DIAPH1: variants seen among roughly 807,000 people sequenced by gnomAD.
DIAPH1 encodes the protein protein diaphanous homolog 1.
A neutral mutation model predicts 140.7 loss-of-function variants in DIAPH1; 46 were observed. That is an observed-to-expected ratio of 0.33 (90% confidence interval 0.26 to 0.42). The LOEUF (loss-of-function observed/expected upper bound fraction) is 0.42. DIAPH1 is among the 10% of genes least tolerant of loss of function. DIAPH1 has a pLI of 1.00. For synonymous variants in DIAPH1, 565 were observed against 551.6 expected, an observed-to-expected ratio of 1.02 and a Z score of -0.34; for missense variants, 1,310 against 1,558.7, an observed-to-expected ratio of 0.84 and a Z score of 2.69.
intron 11 of DIAPH1, 89 bp from the exon 12 acceptor site, chr5:141,577,680 A>G: frequency 1.2e-6 from 1 of 841,896 alleles, no homozygotes; most frequent in Non-Finnish European, 2.0e-6. Context: ...AGCTAGGGAA[A>G]AGTAGCAAGA....
intron 18 of DIAPH1, among the ~76,000 whole-genome samples, chr5:141,542,061 C>T (rs2099890072): frequency 6.6e-6 from 1 of 152,134 alleles, no homozygotes; most frequent in African/African-American, 2.4e-5. Flanking sequence ...TCCCCCAAAA[C>T]CAAAAACAGC....
In DIAPH1 at chr5:141,584,313, G is replaced by T. The variant is rs558016653; in HGVS notation, c.301-88C>A. On this transcript the variant is annotated intron_variant, in intron 3 of 27. Transcript: ENST00000389054. ...GTTTAATATTAGTATGCTTAGTGAA[G>T]AGTTGAGCATGTAAAATGCTTAAGT... is the stretch of plus-strand genomic sequence containing the variant. 34 of 746,062 alleles carry T rather than the reference G, an allele frequency of 4.6e-5. No homozygotes were observed. In the African/African-American group the frequency reaches 5.9e-4, roughly 13 times the overall value. The allele number at this position is 746,062 out of a possible 1,614,324, so 46.2% of individuals were successfully genotyped here. A position where few individuals can be genotyped will look rare whatever the true frequency, so the allele number is the denominator to read the frequency against.
At chr5:141,551,468 C>T (rs1012523334) in intron 18 of DIAPH1, among the ~76,000 whole-genome samples, 1 of 152,006 alleles carries the variant, frequency 6.6e-6, no homozygotes, top group African/African-American at 2.4e-5. Context: ...TCGTGTCTAA[C>T]TTACCCTCAA....
intron 22 of DIAPH1, 29 bp downstream of exon 22, chr5:141,528,673 T>C: frequency 6.2e-7 from 1 of 1,614,254 alleles, no homozygotes; most frequent in Non-Finnish European, 8.5e-7. Flanking sequence ...GCCTTCCTTG[T>C]GTTGTCCTGC....
In DIAPH1 at chr5:141,561,917, C is replaced by T. The variant is rs188734851; in HGVS notation, c.2482+9511G>A. Reference sequence around the variant, plus strand: ...AAGAAAAAAATAAGGTAGGCCACTCCTTTCCTTTAAAGACCTTTTATAGAG... The same window carrying T: ...AAGAAAAAAATAAGGTAGGCCACTCTTTTCCTTTAAAGACCTTTTATAGAG... On this transcript the variant is annotated intron_variant, in intron 18 of 27. Coordinates refer to ENST00000389054, the MANE Select transcript of DIAPH1 (RefSeq NM_005219.5). 581 of 152,318 alleles carry T rather than the reference C, an allele frequency of 3.8e-3. 5 individuals carry two copies. Among genetic ancestry groups the T allele is most frequent in the Admixed American group, 0.011 (168 of 15,300 alleles). 9.4% of individuals were successfully genotyped at this position (152,318 alleles called of 1,614,324 possible).
chr5:141,616,218 C>A (rs565276920), intron 1 of DIAPH1, among the ~76,000 whole-genome samples: 7 of 152,308 alleles, frequency 4.6e-5, no homozygotes, highest in African/African-American at 7.2e-5. Context: ...CACAAGATGC[C>A]TCAGAGGGTA....
intron 27 of DIAPH1, among the ~76,000 whole-genome samples, chr5:141,520,198 C>A (rs1189867682): frequency 6.6e-6 from 1 of 152,182 alleles, no homozygotes; most frequent in Non-Finnish European, 1.5e-5. Context: ...CTAAATAACT[C>A]ATTCTTGTCT....
intron 9 of DIAPH1, among the ~76,000 whole-genome samples, 200 bp from the exon 10 acceptor site, chr5:141,578,825 A>G (rs1422031807): frequency 6.6e-6 from 1 of 152,204 alleles, no homozygotes; most frequent in Non-Finnish European, 1.5e-5. Context: ...GGTTTCAAGG[A>G]TTTGAGAGTA....
intron 4 of DIAPH1, 106 bp downstream of exon 4, chr5:141,584,018 C>T: frequency 2.8e-6 from 2 of 720,860 alleles, no homozygotes; most frequent in South Asian, 3.1e-5. Context: ...TGGAATGAAA[C>T]AGAATTGATG....
At chr5:141,589,841 T>C (rs890799857) in intron 1 of DIAPH1, among the ~76,000 whole-genome samples, 1 of 152,130 alleles carries the variant, frequency 6.6e-6, no homozygotes, top group Non-Finnish European at 1.5e-5. Context: ...TCTGGGAAAG[T>C]GTGAATTTTT....
chr5:141,586,989 C>T, intron 3 of DIAPH1, 53 bp downstream of exon 3: 2 of 1,595,786 alleles, frequency 1.3e-6, no homozygotes, highest in Non-Finnish European at 1.7e-6. Flanking sequence ...AAAGAGCCCA[C>T]CATGTCCATA....
In DIAPH1 at chr5:141,527,699, T is replaced by TAA. The variant is rs79558427; in HGVS notation, c.3149-4_3149-3dup. 44,459 of 1,104,372 alleles carry TAA rather than the reference T, an allele frequency of 0.04. 120 individuals carry two copies. Among genetic ancestry groups the TAA allele is most frequent in the South Asian group, 0.068 (3,879 of 57,228 alleles). 68.4% of individuals were successfully genotyped at this position (1,104,372 alleles called of 1,614,324 possible). A position where few individuals can be genotyped will look rare whatever the true frequency, so the allele number is the denominator to read the frequency against. ...TCTTTTGCAAGTTTTCAGCAGAAAC[T>TAA]AAAAAAAAAAAAAAAAAAAAAAACC... On this transcript the variant is annotated splice_polypyrimidine_tract_variant and splice_region_variant and intron_variant, in intron 23 of 27. Coordinates refer to ENST00000389054, the MANE Select transcript of DIAPH1 (RefSeq NM_005219.5).
chr5:141,596,184 T>G (rs1274277874), intron 1 of DIAPH1, among the ~76,000 whole-genome samples: 2 of 151,962 alleles, frequency 1.3e-5, no homozygotes, highest in Non-Finnish European at 2.9e-5. Context: ...ATACAAAAAA[T>G]TAGCCGGGCG....
At chr5:141,583,422 C>T (rs921249161) in intron 5 of DIAPH1, 63 bp downstream of exon 5, 1 of 1,613,140 alleles carries the variant, frequency 6.2e-7, no homozygotes, top group African/African-American at 1.3e-5. Context: ...CTTTGATCTT[C>T]AATCACCACC....
At chr5:141,582,271 C>A in intron 7 of DIAPH1, 41 bp downstream of exon 7, 1 of 1,464,774 alleles carries the variant, frequency 6.8e-7, no homozygotes, top group Non-Finnish European at 9.6e-7. Context: ...AAAGAACAGG[C>A]GTCCAGATGG....
At chr5:141,557,574 T>G (rs908647636) in intron 18 of DIAPH1, among the ~76,000 whole-genome samples, 30 of 152,184 alleles carry the variant, frequency 2.0e-4, no homozygotes, top group South Asian at 6.2e-4. Context: ...CTTCTTTTTT[T>G]GGGGGTATCT....
chr5:141,517,194 G>A (rs992478737), intron 27 of DIAPH1, among the ~76,000 whole-genome samples, 186 bp from the exon 28 acceptor site: 6 of 152,222 alleles, frequency 3.9e-5, no homozygotes, highest in Admixed American at 3.9e-4. Flanking sequence ...GGCAAAGAAT[G>A]TAAGAGAGTG....
intron 19 of DIAPH1, among the ~76,000 whole-genome samples, chr5:141,530,634 A>AGG (rs2099888068): frequency 6.6e-6 from 1 of 152,020 alleles, no homozygotes; most frequent in South Asian, 2.1e-4. Flanking sequence ...CCACTGCCCC[A>AGG]CCACTTCCCC....
At chr5:141,544,681 C>G (rs1055355892) in intron 18 of DIAPH1, among the ~76,000 whole-genome samples, 12 of 152,150 alleles carry the variant, frequency 7.9e-5, no homozygotes, top group Non-Finnish European at 5.9e-5. Flanking sequence ...GGAATTAAAA[C>G]TACAAAGTCT....
Sources: allele counts gnomAD v4.1 joint callset (sites outside exome capture counted in the v4.1 genomes callset), GRCh38; gene constraint gnomAD v4.1.1; transcripts MANE v1.5; gene names NCBI Gene and HGNC (gene_info 2026-07-23, HGNC 2026-07-21).